Variants in PRMT3 observed in about 807,000 individuals in gnomAD.
PRMT3 encodes protein arginine methyltransferase 3, also known as protein arginine N-methyltransferase 3.
Under a neutral mutation model 71.9 loss-of-function variants are expected in PRMT3, and 62 were observed. The observed-to-expected ratio is 0.86, with a 90% CI of 0.70 to 1.07. The LOEUF is 1.07. PRMT3 is among the 50% of genes least tolerant of loss of function. The pLI is 0.00. For missense variants in PRMT3, 663 were observed against 643.0 expected, an observed-to-expected ratio of 1.03 and a Z score of -0.34; for synonymous variants, 213 against 220.4, an observed-to-expected ratio of 0.97 and a Z score of 0.30.
intron 15 of PRMT3, 134 bp downstream of exon 15, chr11:20,494,388 GA>G: frequency 1.3e-6 from 1 of 766,242 alleles, no homozygotes; most frequent in Non-Finnish European, 2.1e-6. Flanking sequence ...ACCCAGGCTG[GA>G]GAACAGTGAT....
At chr11:20,391,059 A>C (rs1848702864) in intron 3 of PRMT3, among the ~76,000 whole-genome samples, 1 of 152,242 alleles carries the variant, frequency 6.6e-6, no homozygotes, top group African/African-American at 2.4e-5. Context: ...CAAAAAAAAA[A>C]AAATAATAGG....
At chr11:20,464,580 C>T in intron 13 of PRMT3, 34 bp downstream of exon 13, 2 of 1,603,862 alleles carry the variant, frequency 1.2e-6, no homozygotes, top group Non-Finnish European at 1.7e-6. Flanking sequence ...ACAAATTTCA[C>T]TAGCAGTGCA....
At chr11:20,495,797 AC>A (rs1486677061) in intron 15 of PRMT3, among the ~76,000 whole-genome samples, 1 of 152,204 alleles carries the variant, frequency 6.6e-6, no homozygotes, top group Admixed American at 6.5e-5. Context: ...TCCTGAGAGT[AC>A]AAAAGCTGAA....
chr11:20,451,117 T>A (rs1023357122), intron 10 of PRMT3, among the ~76,000 whole-genome samples: 2 of 152,152 alleles, frequency 1.3e-5, no homozygotes, highest in Admixed American at 6.6e-5. Flanking sequence ...TGAAGCACAG[T>A]ATTGGAATGT....
intron 7 of PRMT3, among the ~76,000 whole-genome samples, chr11:20,400,476 T>G (rs1848924948): frequency 6.6e-6 from 1 of 152,204 alleles, no homozygotes; most frequent in Non-Finnish European, 1.5e-5. Context: ...GCTAACACTA[T>G]AAATCCGAAA....
chr11:20,403,055 A>G, intron 8 of PRMT3, 71 bp downstream of exon 8: 1 of 1,105,266 alleles, frequency 9.0e-7, no homozygotes, highest in East Asian at 2.4e-5. Flanking sequence ...CTCTTGGCTC[A>G]TCATTGTGAT....
At chr11:20,388,180 C>T in intron 2 of PRMT3, 26 bp downstream of exon 2, 3 of 1,613,600 alleles carry the variant, frequency 1.9e-6, no homozygotes, top group Non-Finnish European at 1.7e-6. Context: ...CGCCTGGCCT[C>T]TGCCCTAGGG....
chr11:20,481,650 C>A (rs185736280), intron 13 of PRMT3, among the ~76,000 whole-genome samples: 1 of 152,196 alleles, frequency 6.6e-6, no homozygotes, highest in East Asian at 1.9e-4. Context: ...TTATCCTCTG[C>A]AGAATATGAG....
rs183841121 is a variant in PRMT3, at chr11:20,427,061, G to T, written c.993+196G>T. Among the ~76,000 whole-genome samples, 772 of 152,082 alleles carry T rather than the reference G, an allele frequency of 5.1e-3. 1 individual carries two copies. Among genetic ancestry groups the T allele is most frequent in the Admixed American group, 0.012 (180 of 15,272 alleles). On this transcript the variant is annotated intron_variant, in intron 10 of 15. Coordinates refer to ENST00000331079, the MANE Select transcript of PRMT3 (RefSeq NM_005788.4). ...TCTTACTGTAGTTTATTCTGAAATGGCCCTTATTTATTGGCTATTCATAAT... is the reference window on the plus strand; with the variant it reads ...TCTTACTGTAGTTTATTCTGAAATGTCCCTTATTTATTGGCTATTCATAAT...
Position 20,417,583 on chromosome 11 carries a change from T to A in PRMT3, c.894-9183T>A, listed in dbSNP as rs570137444. Among the ~76,000 whole-genome samples the A allele has an allele frequency of 2.3e-4, 35 of 152,316 alleles. No individual in the cohort carries two copies. The South Asian group carries it at 3.5e-3, about 15-fold the overall frequency. ...CATAGGGAAAATGTAGATTGAAAAT[T>A]TAATCCTATATTTTTTATTCCAAAG... On this transcript the variant is annotated intron_variant, in intron 9 of 15. Transcript: ENST00000331079.
At chr11:20,470,486 T>C (rs759406371) in intron 13 of PRMT3, among the ~76,000 whole-genome samples, 15 of 152,180 alleles carry the variant, frequency 9.9e-5, no homozygotes, top group Non-Finnish European at 2.2e-4. Context: ...ACATGTGGTG[T>C]TTGATTTTCT....
In PRMT3 at chr11:20,508,327, A is replaced by T; in HGVS notation, c.1510A>T (p.Thr504Ser). The change falls in exon 16 of 16, where the codon ACA becomes TCA. Residue 504 changes from threonine to serine, a missense_variant. Physicochemically the swap from Thr to Ser is moderately conservative, Grantham distance 58. Coordinates refer to ENST00000331079, the MANE Select transcript of PRMT3 (RefSeq NM_005788.4). The part of the protein sequence containing the change: ...KAGEALKGKV[T>S]VHKNKKDPRS... The stretch of plus-strand genomic sequence containing the variant: ...AGGTGAAGCCTTGAAAGGAAAGGTC[A>T]CAGTTCACAAGAATAAGAAAGATCC... The T allele has an allele frequency of 6.2e-7, 1 of 1,609,734 alleles. No individual in the cohort carries two copies. Among genetic ancestry groups the T allele is most frequent in the African/African-American group, 1.3e-5 (1 of 74,830 alleles).
intron 5 of PRMT3, 105 bp from the exon 6 acceptor site, chr11:20,395,698 A>G: frequency 9.2e-7 from 1 of 1,089,416 alleles, no homozygotes; most frequent in Non-Finnish European, 1.3e-6. Flanking sequence ...AATCTTTCTC[A>G]ATTGGCCACA....
At chr11:20,423,981 G>A (rs532787119) in intron 9 of PRMT3, among the ~76,000 whole-genome samples, 22 of 150,468 alleles carry the variant, frequency 1.5e-4, no homozygotes, top group East Asian at 1.2e-3. Context: ...TTAGGAGATC[G>A]AGACCATCCT....
intron 15 of PRMT3, among the ~76,000 whole-genome samples, chr11:20,496,339 G>A (rs900808286): frequency 1.3e-5 from 2 of 152,044 alleles, no homozygotes; most frequent in East Asian, 1.9e-4. Flanking sequence ...GTTCCCTTGA[G>A]CCCAGGAGTC....
rs142326552 is a variant in PRMT3 at position 20,506,111 on chromosome 11, C to T, written c.1487-2193C>T. On this transcript the variant is annotated intron_variant, in intron 15 of 15. Coordinates refer to ENST00000331079, the MANE Select transcript of PRMT3 (RefSeq NM_005788.4). The stretch of plus-strand genomic sequence containing the variant: ...ACTTCATCTGTGAGTAAGGAAAATG[C>T]GCTTACCTCATAGCAATATTTTGTG... Among the ~76,000 whole-genome samples the T allele has an allele frequency of 1.6e-3, 238 of 152,150 alleles. 1 individual carries two copies. The highest frequency in any genetic ancestry group is 5.3e-3 in the Admixed American group (81 of 15,272).
intron 9 of PRMT3, among the ~76,000 whole-genome samples, chr11:20,413,260 C>T (rs1022499210): frequency 6.6e-6 from 1 of 152,106 alleles, no homozygotes; most frequent in African/African-American, 2.4e-5. Flanking sequence ...TTCTATTCCT[C>T]TGTGAATGTA....
At chr11:20,470,595 A>C (rs544741804) in intron 13 of PRMT3, among the ~76,000 whole-genome samples, 1 of 152,182 alleles carries the variant, frequency 6.6e-6, no homozygotes, top group African/African-American at 2.4e-5. Flanking sequence ...ATAGTATTCC[A>C]TGGTGTATAT....
At chr11:20,483,475 C>T (rs1026375322) in intron 13 of PRMT3, among the ~76,000 whole-genome samples, 4 of 149,500 alleles carry the variant, frequency 2.7e-5, no homozygotes, top group South Asian at 2.1e-4. Flanking sequence ...AGTGGAAAAC[C>T]GATGATGTGT....
Sources: allele counts gnomAD v4.1 joint callset (sites outside exome capture counted in the v4.1 genomes callset), GRCh38; gene constraint gnomAD v4.1.1; transcripts MANE v1.5; gene names NCBI Gene and HGNC (gene_info 2026-07-23, HGNC 2026-07-21).